PCDH15: variants seen among roughly 807,000 people sequenced by gnomAD.
PCDH15 encodes the protein protocadherin related 15.
PCDH15 carries 129 observed loss-of-function variants against 178.5 expected under a neutral mutation model. That is an observed-to-expected ratio of 0.72 (90% CI 0.63 to 0.84). PCDH15 has a LOEUF of 0.84. Among genes scored for constraint, PCDH15 ranks in the 40% least tolerant of loss-of-function variants. PCDH15 has a pLI of 0.00. For synonymous variants in PCDH15, 800 were observed against 732.0 expected (o/e 1.09, Z -1.50); for missense variants, 2,230 against 2,099.9 (o/e 1.06, Z -1.21).
At chr10:54,696,911 CT>C (rs1358885062) in intron 1 of PCDH15, among the ~76,000 whole-genome samples, 1 of 152,052 alleles carries the variant, frequency 6.6e-6, no homozygotes, top group African/African-American at 2.4e-5. Flanking sequence ...AACATCTCCC[CT>C]GACCATCAGG....
chr10:54,278,096 A>T (rs2058451710), intron 8 of PCDH15, among the ~76,000 whole-genome samples: 1 of 151,630 alleles, frequency 6.6e-6, no homozygotes, highest in Admixed American at 6.6e-5. Flanking sequence ...TTATAAAGAT[A>T]AAATAGTAAT....
chr10:54,235,483 C>T (rs7069137), intron 9 of PCDH15, among the ~76,000 whole-genome samples: 8,314 of 152,194 alleles, frequency 0.055, 561 homozygotes, highest in African/African-American at 0.17. Context: ...GGCTTTTGCA[C>T]ATGCTGCATT....
At chr10:55,459,599 A>T (rs1303253164) in intron 2 of PCDH15, among the ~76,000 whole-genome samples, 1 of 152,004 alleles carries the variant, frequency 6.6e-6, no homozygotes, top group African/African-American at 2.4e-5. Context: ...ATTAGAAATG[A>T]TTAAGCAATG....
chr10:55,496,629 T>A (rs1335801401), intron 2 of PCDH15, among the ~76,000 whole-genome samples: 1 of 151,790 alleles, frequency 6.6e-6, no homozygotes, highest in Non-Finnish European at 1.5e-5. Flanking sequence ...TAATTAGAGA[T>A]ATTAGTTTGA....
chr10:55,000,658 T>A (rs887762203), intron 2 of PCDH15, among the ~76,000 whole-genome samples: 1 of 152,218 alleles, frequency 6.6e-6, no homozygotes, highest in African/African-American at 2.4e-5. Flanking sequence ...ATCTTCACAA[T>A]TTATGTTCAG....
At chr10:53,821,415 A>T in intron 32 of PCDH15, 1 of 999,700 alleles carries the variant, frequency 1.0e-6, no homozygotes, top group Non-Finnish European at 1.2e-6. Context: ...TCAAGAAAAA[A>T]CAGAACCTAT....
At chr10:54,628,178 A>G (rs535274161) in intron 2 of PCDH15, among the ~76,000 whole-genome samples, 1 of 152,316 alleles carries the variant, frequency 6.6e-6, no homozygotes, top group East Asian at 1.9e-4. Context: ...AGAAGTCCCA[A>G]GAAACTGAAT....
At chr10:54,235,861 T>C (rs555760833) in intron 9 of PCDH15, among the ~76,000 whole-genome samples, 1 of 152,180 alleles carries the variant, frequency 6.6e-6, no homozygotes, top group Non-Finnish European at 1.5e-5. Flanking sequence ...TATGAAAGTT[T>C]TTTACAAATA....
chr10:54,723,352 A>C (rs969054003), intron 1 of PCDH15, among the ~76,000 whole-genome samples: 2 of 151,828 alleles, frequency 1.3e-5, no homozygotes, highest in African/African-American at 4.8e-5. Context: ...CACGTGCAGA[A>C]TAATGAAACT....
At chr10:55,012,048 A>G (rs1019353988) in intron 2 of PCDH15, among the ~76,000 whole-genome samples, 1 of 152,090 alleles carries the variant, frequency 6.6e-6, no homozygotes, top group Non-Finnish European at 1.5e-5. Context: ...CACGAAGTAT[A>G]TTTCTGAAGC....
intron 2 of PCDH15, among the ~76,000 whole-genome samples, chr10:55,086,613 C>A (rs1389843958): frequency 6.6e-6 from 1 of 151,936 alleles, no homozygotes; most frequent in Non-Finnish European, 1.5e-5. Context: ...AAGGAAAGAG[C>A]AATGAGACCA....
intron 26 of PCDH15, among the ~76,000 whole-genome samples, chr10:53,894,377 C>G (rs1289039547): frequency 6.6e-6 from 1 of 152,084 alleles, no homozygotes. Flanking sequence ...CGAGATCGGG[C>G]GCATTCAGGG....
At chr10:53,864,693 T>C (rs575613280) in intron 27 of PCDH15, among the ~76,000 whole-genome samples, 3 of 152,016 alleles carry the variant, frequency 2.0e-5, no homozygotes, top group Non-Finnish European at 4.4e-5. Context: ...CTTGCTTTAA[T>C]AAATCCCTGC....
chr10:55,296,634 A>C (rs1843139048), intron 1 of PCDH15, among the ~76,000 whole-genome samples: 1 of 152,312 alleles, frequency 6.6e-6, no homozygotes, highest in Admixed American at 6.5e-5. Flanking sequence ...GGCAGAGACT[A>C]AATCTGTATA....
At chr10:54,534,086 GTGTC>G (rs562983994) in intron 2 of PCDH15, among the ~76,000 whole-genome samples, 37 of 152,210 alleles carry the variant, frequency 2.4e-4, no homozygotes, top group African/African-American at 8.2e-4. Flanking sequence ...TCTTAGAAGA[GTGTC>G]TGGCAAAATG....
chr10:55,151,529 T>C (rs1838712927), intron 2 of PCDH15, among the ~76,000 whole-genome samples: 1 of 151,988 alleles, frequency 6.6e-6, no homozygotes, highest in Non-Finnish European at 1.5e-5. Context: ...AGTTTTGTGG[T>C]TTATGTAGCA....
chr10:53,876,334 C>T (rs958479399), intron 26 of PCDH15, among the ~76,000 whole-genome samples: 3 of 151,934 alleles, frequency 2.0e-5, no homozygotes, highest in Non-Finnish European at 4.4e-5. Context: ...ACTACGGGCA[C>T]CCACCACCAG....
At chr10:54,352,621 T>C (rs1944353960) in intron 5 of PCDH15, among the ~76,000 whole-genome samples, 1 of 152,196 alleles carries the variant, frequency 6.6e-6, no homozygotes, top group Admixed American at 6.5e-5. Flanking sequence ...GCTCTATTTC[T>C]ACTAATAGAC....
intron 1 of PCDH15, among the ~76,000 whole-genome samples, chr10:55,200,482 G>A (rs1840214856): frequency 6.6e-6 from 1 of 152,124 alleles, no homozygotes; most frequent in African/African-American, 2.4e-5. Context: ...ATAGGTGGAA[G>A]GGAATTGCCT....
Sources: allele counts gnomAD v4.1 joint callset (sites outside exome capture counted in the v4.1 genomes callset), GRCh38; gene constraint gnomAD v4.1.1; transcripts MANE v1.5; gene names NCBI Gene and HGNC (gene_info 2026-07-23, HGNC 2026-07-21).